The following SCFD2 variants were observed in gnomAD, a reference collection of about 807,000 sequenced individuals.
SCFD2 encodes the protein sec1 family domain-containing protein 2.
SCFD2 carries 54 observed loss-of-function variants against 58.9 expected under a neutral mutation model. That is an observed-to-expected ratio of 0.92 (90% CI 0.74 to 1.15). The LOEUF is 1.15. SCFD2 is among the 50% of genes most tolerant of loss of function. The pLI, the probability that SCFD2 is intolerant of heterozygous loss-of-function variation, is 0.00. For missense variants in SCFD2, 805 were observed against 836.6 expected (o/e 0.96, Z 0.47); for synonymous variants, 321 against 335.9 (o/e 0.96, Z 0.49).
intron 4 of SCFD2, among the ~76,000 whole-genome samples, chr4:53,243,705 A>G (rs1253006049): frequency 6.6e-6 from 1 of 151,382 alleles, no homozygotes; most frequent in Non-Finnish European, 1.5e-5. Context: ...GAAAAAAAAA[A>G]GAGAGAAAAA....
chr4:52,914,125 G>GT (rs1168958328), intron 6 of SCFD2, among the ~76,000 whole-genome samples: 1 of 152,162 alleles, frequency 6.6e-6, no homozygotes, highest in African/African-American at 2.4e-5. Flanking sequence ...TTTTATCTCT[G>GT]TTTCCCTGGA....
intron 5 of SCFD2, among the ~76,000 whole-genome samples, chr4:52,992,669 C>A (rs1033082472): frequency 1.3e-5 from 2 of 152,116 alleles, no homozygotes; most frequent in Non-Finnish European, 2.9e-5. Context: ...AGTGCCTCTG[C>A]CTGGCCGCCA....
In SCFD2 at chr4:53,328,190, ATG is replaced by A. The variant is rs576097323; in HGVS notation, c.1008-14429_1008-14428del. On this transcript the variant is annotated intron_variant, in intron 2 of 8. Transcript: ENST00000401642. ...TCAATGTAAATACATGTGCACATGT[ATG>A]TGTGTGTGTGTGTGAGTGTGTGTGT... Among the ~76,000 whole-genome samples the A allele has an allele frequency of 1.5e-3, 231 of 150,626 alleles. 1 individual carries two copies. Among genetic ancestry groups the A allele is most frequent in the Non-Finnish European group, 2.6e-3 (175 of 67,474 alleles).
chr4:53,178,060 T>C (rs991946851), intron 4 of SCFD2, among the ~76,000 whole-genome samples: 14 of 152,222 alleles, frequency 9.2e-5, no homozygotes, highest in Non-Finnish European at 1.5e-4. Flanking sequence ...CCTACCTGCC[T>C]CTGTAGGCTC....
Position 53,273,982 on chromosome 4 carries a change from C to T in SCFD2, c.1155G>A (p.Gln385=), listed in dbSNP as rs770165008. The change falls in exon 4 of 9, where the codon CAG becomes CAA. Residue 385 remains glutamine (Q), a synonymous_variant. Transcript: ENST00000401642. The part of the protein sequence containing the change: ...KMSMGRVTPG[Q]LMSYIQLFKN... ...TGAAGAGCTGAATATAGGACATGAG[C>T]TGTCCCGGTGTGACTCTCCCTGGAA... 5.0e-6 allele frequency: 8 copies of T among 1,611,740 alleles called. No individual in the cohort carries two copies. The highest frequency in any genetic ancestry group is 3.3e-5 in the South Asian group (3 of 90,386).
chr4:53,270,197 A>T (rs1432391103), intron 4 of SCFD2, among the ~76,000 whole-genome samples: 1 of 152,190 alleles, frequency 6.6e-6, no homozygotes, highest in Non-Finnish European at 1.5e-5. Flanking sequence ...GAATGCAATG[A>T]AGATTATTTA....
At chr4:53,163,628 G>A (rs1376706457) in intron 4 of SCFD2, among the ~76,000 whole-genome samples, 1 of 152,134 alleles carries the variant, frequency 6.6e-6, no homozygotes, top group African/African-American at 2.4e-5. Flanking sequence ...AGCTACTCAG[G>A]ATGAGGCAGG....
intron 8 of SCFD2, among the ~76,000 whole-genome samples, chr4:52,878,375 A>G (rs1034328753): frequency 2.6e-5 from 4 of 152,202 alleles, no homozygotes; most frequent in Non-Finnish European, 5.9e-5. Flanking sequence ...TCTCCATTCG[A>G]TGAAAAACCT....
chr4:52,961,013 A>G (rs1169396147), intron 5 of SCFD2, among the ~76,000 whole-genome samples: 6 of 152,158 alleles, frequency 3.9e-5, no homozygotes, highest in African/African-American at 1.4e-4. Context: ...GGGACCTTGC[A>G]GGAGAGGCTG....
intron 6 of SCFD2, among the ~76,000 whole-genome samples, chr4:52,919,212 T>C (rs1719676761): frequency 6.6e-6 from 1 of 152,144 alleles, no homozygotes; most frequent in Non-Finnish European, 1.5e-5. Flanking sequence ...CCGGATGACA[T>C]AAAATGGGAA....
chr4:52,974,275 C>T (rs62336828), intron 5 of SCFD2, among the ~76,000 whole-genome samples: 37,034 of 151,938 alleles, frequency 0.24, 4,949 homozygotes, highest in Middle Eastern at 0.37. Flanking sequence ...AAAACCCCAT[C>T]GTCTCAGCCC....
intron 3 of SCFD2, among the ~76,000 whole-genome samples, chr4:53,283,498 G>A (rs1255272981): frequency 6.6e-6 from 1 of 152,142 alleles, no homozygotes. Context: ...TTGGATGGGT[G>A]AGTACTAGTT....
chr4:52,990,866 C>T (rs980612101), intron 5 of SCFD2, among the ~76,000 whole-genome samples: 9 of 152,204 alleles, frequency 5.9e-5, no homozygotes, highest in African/African-American at 1.2e-4. Flanking sequence ...GTAACTCTTA[C>T]GCATCAGTTT....
intron 8 of SCFD2, among the ~76,000 whole-genome samples, chr4:52,883,430 G>A (rs1718666304): frequency 6.6e-6 from 1 of 152,334 alleles, no homozygotes; most frequent in African/African-American, 2.4e-5. Context: ...CTTCAGGGGA[G>A]CTTTTTGCAC....
At chr4:52,892,788 G>C (rs1718908318) in intron 7 of SCFD2, among the ~76,000 whole-genome samples, 1 of 152,172 alleles carries the variant, frequency 6.6e-6, no homozygotes, top group African/African-American at 2.4e-5. Context: ...TGCTTTGGCA[G>C]GTAGGGAACC....
rs145119430 is a variant in SCFD2, at chr4:53,206,934, A to G, written c.1312-61352T>C. Among the ~76,000 whole-genome samples the G allele has an allele frequency of 2.9e-3, 444 of 152,180 alleles. 6 individuals are homozygous for G. The highest frequency in any genetic ancestry group is 0.01 in the African/African-American group (421 of 41,468). ...CAAAGACTAAGTAATTTATAAAGAC[A>G]TGAAGTTTATTTAGCTCACAATTCT... On this transcript the variant is annotated intron_variant, in intron 4 of 8. Transcript: ENST00000401642.
intron 5 of SCFD2, among the ~76,000 whole-genome samples, chr4:53,104,664 G>C (rs1373019022): frequency 6.6e-6 from 1 of 152,154 alleles, no homozygotes; most frequent in South Asian, 2.1e-4. Context: ...CTCTGTATTA[G>C]CTTTGAATTA....
At chr4:53,210,039 A>C (rs1346636882) in intron 4 of SCFD2, among the ~76,000 whole-genome samples, 3 of 152,122 alleles carry the variant, frequency 2.0e-5, no homozygotes. Context: ...ATGGATAAGA[A>C]GACTTCAACT....
chr4:53,362,458 T>A (rs779633306), intron 1 of SCFD2, among the ~76,000 whole-genome samples: 55 of 152,354 alleles, frequency 3.6e-4, no homozygotes, highest in Non-Finnish European at 7.5e-4. Context: ...TGGTTGCTTG[T>A]CTGTATAGGT....
Sources: gnomAD v4.1 joint callset for allele counts (sites outside exome capture counted in the v4.1 genomes callset) on GRCh38, gnomAD v4.1.1 for gene constraint, MANE v1.5 for transcripts, NCBI Gene and HGNC (gene_info 2026-07-23, HGNC 2026-07-21) for gene names.